C8orf34: variants seen among roughly 807,000 people sequenced by gnomAD.
C8orf34 encodes uncharacterized protein C8orf34.
Under a neutral mutation model 68.3 loss-of-function variants are expected in C8orf34, and 65 were observed. The ratio of observed to expected loss-of-function variants is 0.95; its 90% CI spans 0.78 to 1.17. The LOEUF (loss-of-function observed/expected upper bound fraction) is 1.17. Among genes scored for constraint, C8orf34 ranks in the 50% most tolerant of loss-of-function variants. The pLI is 0.00. For synonymous variants in C8orf34, 244 were observed against 241.2 expected, an observed-to-expected ratio of 1.01 and a Z score of -0.11; for missense variants, 664 against 655.4, an observed-to-expected ratio of 1.01 and a Z score of -0.14.
chr8:68,372,897 G>C (rs1468581024), intron 1 of C8orf34, among the ~76,000 whole-genome samples: 1 of 152,184 alleles, frequency 6.6e-6, no homozygotes, highest in Non-Finnish European at 1.5e-5. Context: ...GCTGACAAAG[G>C]AAATGAACGT....
intron 8 of C8orf34, among the ~76,000 whole-genome samples, chr8:68,702,160 C>A (rs1379068960): frequency 6.6e-6 from 1 of 152,072 alleles, no homozygotes; most frequent in Admixed American, 6.6e-5. Context: ...AGCTGGCCAG[C>A]TTTACCTATT....
At chr8:68,715,424 A>G (rs936171643) in intron 9 of C8orf34, among the ~76,000 whole-genome samples, 1 of 152,130 alleles carries the variant, frequency 6.6e-6, no homozygotes, top group East Asian at 1.9e-4. Flanking sequence ...TCAAATCAGC[A>G]AGAAAAAAAC....
At chr8:68,744,658 A>G (rs1428270938) in intron 10 of C8orf34, among the ~76,000 whole-genome samples, 1 of 152,222 alleles carries the variant, frequency 6.6e-6, no homozygotes, top group African/African-American at 2.4e-5. Flanking sequence ...AATGAATGAA[A>G]TGAAGTGAGA....
At chr8:68,503,693 T>C (rs1331812724) in intron 5 of C8orf34, among the ~76,000 whole-genome samples, 7 of 150,832 alleles carry the variant, frequency 4.6e-5, no homozygotes, top group African/African-American at 1.7e-4. Context: ...TTTCTTTTTT[T>C]TTTTTTTTCC....
rs192787439 is a variant in C8orf34 at position 68,460,463 on chromosome 8, G to T, written c.608-8229G>T. 1.3e-4 allele frequency among the ~76,000 whole-genome samples: 20 copies of T among 152,318 alleles called. No individual in the cohort carries two copies. The East Asian group carries it at 3.7e-3, about 28-fold the overall frequency. On this transcript the variant is annotated intron_variant, in intron 3 of 13. Transcript: ENST00000518698. ...GTGGTTCTCCCAGCACGCAGCTGGA[G>T]ATCAGAGAATGGGCAGACTGCCTCC...
At chr8:68,744,157 A>T (rs923027951) in intron 10 of C8orf34, among the ~76,000 whole-genome samples, 6 of 152,190 alleles carry the variant, frequency 3.9e-5, no homozygotes, top group African/African-American at 1.4e-4. Flanking sequence ...ACTCCAACAG[A>T]CCTTCAGCTG....
chr8:68,339,534 T>G (rs183851303), intron 1 of C8orf34, among the ~76,000 whole-genome samples: 1 of 151,994 alleles, frequency 6.6e-6, no homozygotes, highest in Non-Finnish European at 1.5e-5. Context: ...AGTTGTATTC[T>G]TATTTATGCA....
At chr8:68,450,369 C>G (rs1346956464) in intron 3 of C8orf34, among the ~76,000 whole-genome samples, 1 of 152,058 alleles carries the variant, frequency 6.6e-6, no homozygotes, top group Non-Finnish European at 1.5e-5. Flanking sequence ...TGATCTCCTC[C>G]CATGAATCAC....
intron 6 of C8orf34, chr8:68,525,868 G>T: frequency 6.6e-6 from 2 of 301,594 alleles, no homozygotes; most frequent in South Asian, 3.2e-5. Context: ...CATTGTGGAT[G>T]TTCCTGAGAA....
At chr8:68,481,070 GA>G (rs1455862296) in intron 4 of C8orf34, among the ~76,000 whole-genome samples, 1 of 152,162 alleles carries the variant, frequency 6.6e-6, no homozygotes, top group East Asian at 1.9e-4. Context: ...AGAGGCCCAG[GA>G]GGAAAATGTA....
chr8:68,561,039 A>C (rs1260002316), intron 7 of C8orf34, among the ~76,000 whole-genome samples: 1 of 145,436 alleles, frequency 6.9e-6, no homozygotes, highest in Non-Finnish European at 1.5e-5. Flanking sequence ...CAGTGGTGTG[A>C]TCGTGTGATC....
At chr8:68,655,607 T>C (rs1405146464) in intron 8 of C8orf34, among the ~76,000 whole-genome samples, 1 of 152,216 alleles carries the variant, frequency 6.6e-6, no homozygotes, top group Non-Finnish European at 1.5e-5. Context: ...TTTAGCTCCC[T>C]GTCAGCCACA....
At chr8:68,623,833 G>T (rs1372913632) in intron 7 of C8orf34, among the ~76,000 whole-genome samples, 3 of 151,962 alleles carry the variant, frequency 2.0e-5, no homozygotes, top group South Asian at 2.1e-4. Flanking sequence ...TATTCCCAAA[G>T]GGCCCACCTC....
chr8:68,649,028 T>TATAA (rs1162062590), intron 8 of C8orf34, among the ~76,000 whole-genome samples: 1 of 152,226 alleles, frequency 6.6e-6, no homozygotes, highest in Non-Finnish European at 1.5e-5. Context: ...TGATTTTTTT[T>TATAA]CTTAACTATT....
chr8:68,536,590 C>G (rs1281925028), intron 7 of C8orf34, among the ~76,000 whole-genome samples: 3 of 151,684 alleles, frequency 2.0e-5, no homozygotes, highest in Admixed American at 1.3e-4. Context: ...GATTGATATT[C>G]ATTTAAAAAT....
chr8:68,505,786 A>AGG (rs545896479), intron 5 of C8orf34, among the ~76,000 whole-genome samples: 5 of 152,022 alleles, frequency 3.3e-5, no homozygotes, highest in Non-Finnish European at 5.9e-5. Flanking sequence ...GCTGAGAATC[A>AGG]GGCAAGGGAG....
chr8:68,774,481 A>G (rs898368500), intron 10 of C8orf34, among the ~76,000 whole-genome samples: 2 of 152,058 alleles, frequency 1.3e-5, no homozygotes, highest in Non-Finnish European at 2.9e-5. Flanking sequence ...GCTTTAAGCA[A>G]ATAGAACTAC....
At chr8:68,357,466 C>G (rs953261763) in intron 1 of C8orf34, among the ~76,000 whole-genome samples, 16 of 152,084 alleles carry the variant, frequency 1.1e-4, no homozygotes, top group South Asian at 4.1e-4. Flanking sequence ...CTATAATCTT[C>G]AGATTAGTAG....
chr8:68,687,509 G>GGGAA (rs1209661807), intron 8 of C8orf34, among the ~76,000 whole-genome samples: 1 of 151,928 alleles, frequency 6.6e-6, no homozygotes, highest in Non-Finnish European at 1.5e-5. Flanking sequence ...CCATAAATTA[G>GGGAA]GGAAAGGACA....
Sources: gnomAD v4.1 joint callset for allele counts (sites outside exome capture counted in the v4.1 genomes callset) on GRCh38, gnomAD v4.1.1 for gene constraint, MANE v1.5 for transcripts, NCBI Gene and HGNC (gene_info 2026-07-23, HGNC 2026-07-21) for gene names.